Variants in VPS8 observed in about 807,000 individuals in gnomAD.
The protein encoded by VPS8 is vacuolar protein sorting-associated protein 8 homolog.
A neutral mutation model predicts 216.4 loss-of-function variants in VPS8; 129 were observed. That is an observed-to-expected ratio of 0.60 (90% CI 0.52 to 0.69). The LOEUF (loss-of-function observed/expected upper bound fraction) is 0.69, where lower values mean the gene tolerates loss of function less well. VPS8 is among the 30% of genes least tolerant of loss of function. The probability of loss-of-function intolerance (pLI) is 0.00; values close to 1 mark genes in which losing one functional copy is unlikely to be tolerated. For synonymous variants in VPS8, 571 were observed against 565.4 expected (o/e 1.01, Z -0.14); for missense variants, 1,531 against 1,683.5 (o/e 0.91, Z 1.59).
In VPS8 at chr3:184,894,683, T is replaced by TC. The variant is rs752900208; in HGVS notation, c.1782-13dup. On this transcript the variant is annotated intron_variant, in intron 22 of 47. Coordinates refer to ENST00000625842, the MANE Select transcript of VPS8 (RefSeq NM_001009921.3). ...TTTGGCATGTTCCTAAAAGTTTTTC[T>TC]CCCCCCCTTTCTGTTACAGGGATCT... 21 of 1,556,520 alleles carry TC rather than the reference T, an allele frequency of 1.3e-5. No individual in the cohort carries two copies. Among genetic ancestry groups the TC allele is most frequent in the Admixed American group, 5.8e-5 (3 of 51,942 alleles).
chr3:185,036,570 A>G lies in VPS8; in HGVS notation c.4057-11909A>G, dbSNP rs138619680. Among the ~76,000 whole-genome samples the G allele has an allele frequency of 6.6e-3, 999 of 151,972 alleles. 1 individual carries two copies. Among genetic ancestry groups the G allele is most frequent in the Non-Finnish European group, 0.01 (702 of 67,950 alleles). On this transcript the variant is annotated intron_variant, in intron 46 of 47. Transcript: ENST00000625842. Reference sequence around the variant, plus strand: ...TTTTTGATGAAGTCTTTAATGATTAACAGTTTTTCAGTTTTTTTTTTTAGT... The same window carrying G: ...TTTTTGATGAAGTCTTTAATGATTAGCAGTTTTTCAGTTTTTTTTTTTAGT...
intron 3 of VPS8, among the ~76,000 whole-genome samples, chr3:184,829,567 C>G (rs1043935855): frequency 1.3e-5 from 2 of 152,108 alleles, no homozygotes; most frequent in Non-Finnish European, 2.9e-5. Flanking sequence ...AGTGGGTCAT[C>G]AGGTATAGTT....
chr3:185,039,101 G>A (rs776548033), intron 46 of VPS8, among the ~76,000 whole-genome samples: 5 of 152,230 alleles, frequency 3.3e-5, no homozygotes, highest in Non-Finnish European at 7.3e-5. Flanking sequence ...CTTGGTTGCA[G>A]TAGTGTGGAG....
chr3:184,821,788 T>G (rs1294687480), intron 1 of VPS8, among the ~76,000 whole-genome samples: 1 of 152,316 alleles, frequency 6.6e-6, no homozygotes, highest in East Asian at 1.9e-4. Flanking sequence ...ATGATTTCTT[T>G]TCTGCAGAAG....
At chr3:184,812,778 C>T (rs1325984409) in intron 1 of VPS8, 2 of 152,492 alleles carry the variant, frequency 1.3e-5, no homozygotes, top group African/African-American at 4.8e-5. Context: ...TCCCCACTCC[C>T]GGGCGGAACA....
intron 38 of VPS8, 46 bp downstream of exon 38, chr3:184,964,603 C>A: frequency 8.1e-7 from 1 of 1,236,780 alleles, no homozygotes. Context: ...GTCTATTCCT[C>A]TATTCATTCA....
rs554801135 is a variant in VPS8, at chr3:184,936,277, C to T, written c.2930C>T (p.Ala977Val). The T allele has an allele frequency of 1.1e-5, 17 of 1,611,234 alleles. No homozygotes were observed. Among genetic ancestry groups the T allele is most frequent in the African/African-American group, 5.3e-5 (4 of 74,952 alleles). ...ELVSLKPCKA[A>V]ELVATHFSGH... ...GTGTCCCTGAAGCCTTGTAAAGCTGCGGAGCTGGTTGCCACCCACTTTTCT... is the reference window on the plus strand; with the variant it reads ...GTGTCCCTGAAGCCTTGTAAAGCTGTGGAGCTGGTTGCCACCCACTTTTCT... The change falls in exon 35 of 48, where the codon GCG becomes GTG. Residue 977 changes from alanine to valine, a missense_variant. By Grantham distance (64) the Ala-to-Val change is moderately conservative. Coordinates refer to ENST00000625842, the MANE Select transcript of VPS8 (RefSeq NM_001009921.3).
chr3:184,885,507 CG>C (rs774831870), intron 21 of VPS8, among the ~76,000 whole-genome samples: 3 of 152,272 alleles, frequency 2.0e-5, no homozygotes, highest in Non-Finnish European at 4.4e-5. Context: ...GTTAAATCAA[CG>C]TTACAATAGC....
At chr3:184,866,998 T>C in intron 17 of VPS8, 48 bp downstream of exon 17, 4 of 1,569,804 alleles carry the variant, frequency 2.5e-6, no homozygotes, top group Non-Finnish European at 3.5e-6. Context: ...ATCAGGGTAG[T>C]TGAGGCTGAA....
intron 46 of VPS8, among the ~76,000 whole-genome samples, chr3:185,041,918 G>C (rs1711729673): frequency 6.6e-6 from 1 of 152,192 alleles, no homozygotes; most frequent in Non-Finnish European, 1.5e-5. Context: ...TTGGGAAACA[G>C]TGGGACTCTC....
At chr3:184,860,557 A>G (rs987857274) in intron 15 of VPS8, among the ~76,000 whole-genome samples, 13 of 151,834 alleles carry the variant, frequency 8.6e-5, no homozygotes, top group Middle Eastern at 3.4e-3. Context: ...TGATGCCACA[A>G]ATTATTGCCT....
intron 36 of VPS8, among the ~76,000 whole-genome samples, chr3:184,945,738 A>C (rs915291607): frequency 6.6e-6 from 1 of 152,174 alleles, no homozygotes; most frequent in African/African-American, 2.4e-5. Context: ...TGAGACCACA[A>C]TATTACAGTA....
intron 25 of VPS8, among the ~76,000 whole-genome samples, chr3:184,912,160 G>C (rs1424601885): frequency 6.6e-6 from 1 of 152,176 alleles, no homozygotes; most frequent in Non-Finnish European, 1.5e-5. Flanking sequence ...CCTCGGGGCC[G>C]AGAGAATTTT....
At chr3:184,954,954 G>C (rs2109449172) in intron 36 of VPS8, among the ~76,000 whole-genome samples, 1 of 152,294 alleles carries the variant, frequency 6.6e-6, no homozygotes, top group East Asian at 1.9e-4. Flanking sequence ...TGGGTATAGG[G>C]TCAGGTGTTG....
intron 1 of VPS8, among the ~76,000 whole-genome samples, chr3:184,821,045 T>G (rs1717465226): frequency 1.3e-5 from 2 of 152,192 alleles, no homozygotes; most frequent in African/African-American, 4.8e-5. Flanking sequence ...ATCTTTAACT[T>G]TAGAAAACTT....
chr3:185,012,471 G>A (rs1755158965), intron 45 of VPS8, among the ~76,000 whole-genome samples: 2 of 150,956 alleles, frequency 1.3e-5, no homozygotes, highest in Non-Finnish European at 2.9e-5. Context: ...AATAATATCT[G>A]AAATTTTCCC....
At chr3:185,018,319 A>G (rs1163802778) in intron 45 of VPS8, among the ~76,000 whole-genome samples, 1 of 152,216 alleles carries the variant, frequency 6.6e-6, no homozygotes, top group Non-Finnish European at 1.5e-5. Flanking sequence ...CGGTTCTTTC[A>G]GTCCCTGCTT....
At chr3:184,883,841 T>C (rs1338023755) in intron 21 of VPS8, among the ~76,000 whole-genome samples, 3 of 152,210 alleles carry the variant, frequency 2.0e-5, no homozygotes, top group Admixed American at 6.5e-5. Flanking sequence ...CTTTAAAATA[T>C]AGTTTCTACC....
At chr3:184,828,116 A>C (rs1190799330) in intron 3 of VPS8, among the ~76,000 whole-genome samples, 1 of 152,010 alleles carries the variant, frequency 6.6e-6, no homozygotes, top group East Asian at 1.9e-4. Context: ...GAAGAAATGG[A>C]CATCCACTTT....
Sources: gnomAD v4.1 joint callset for allele counts (sites outside exome capture counted in the v4.1 genomes callset) on GRCh38, gnomAD v4.1.1 for gene constraint, MANE v1.5 for transcripts, NCBI Gene and HGNC (gene_info 2026-07-23, HGNC 2026-07-21) for gene names.